ATP6V0A4: variants seen among roughly 807,000 people sequenced by gnomAD.
The protein encoded by ATP6V0A4 is V-type proton ATPase 116 kDa subunit a 4.
In ATP6V0A4, 86 loss-of-function variants were observed where a neutral mutation model predicts 107.3. The ratio of observed to expected loss-of-function variants is 0.80; its 90% confidence interval spans 0.67 to 0.96. The LOEUF (loss-of-function observed/expected upper bound fraction) is 0.96, where lower values mean the gene tolerates loss of function less well. Ranked by LOEUF, ATP6V0A4 falls within the 40% of genes least tolerant of loss-of-function variation. The pLI is 0.00. For missense variants in ATP6V0A4, 908 were observed against 1,045.6 expected, an observed-to-expected ratio of 0.87 and a Z score of 1.81; for synonymous variants, 353 against 381.4, an observed-to-expected ratio of 0.93 and a Z score of 0.87.
At chr7:138,743,007 C>T (rs938027547) in intron 14 of ATP6V0A4, among the ~76,000 whole-genome samples, 2 of 151,508 alleles carry the variant, frequency 1.3e-5, no homozygotes, top group Admixed American at 6.6e-5. Flanking sequence ...GGTGGGGAAT[C>T]CCATCTCTAC....
At chr7:138,796,844 T>C (rs1292521184) in intron 1 of ATP6V0A4, among the ~76,000 whole-genome samples, 1 of 149,498 alleles carries the variant, frequency 6.7e-6, no homozygotes, top group East Asian at 1.9e-4. Flanking sequence ...CAGTCTCCAG[T>C]GCCTAGGATG....
At chr7:138,797,025 T>C (rs60317262) in intron 1 of ATP6V0A4, among the ~76,000 whole-genome samples, 27,295 of 151,996 alleles carry the variant, frequency 0.18, 4,773 homozygotes, top group African/African-American at 0.46. Context: ...GCTCTCCTCT[T>C]GCCTCCCCAC....
intron 18 of ATP6V0A4, among the ~76,000 whole-genome samples, chr7:138,724,695 T>C (rs1016326991): frequency 6.6e-5 from 10 of 152,332 alleles, no homozygotes; most frequent in African/African-American, 2.2e-4. Flanking sequence ...ATTTTCTCTC[T>C]CCTTCAACTT....
intron 2 of ATP6V0A4, among the ~76,000 whole-genome samples, chr7:138,779,301 T>G (rs1047051154): frequency 2.0e-5 from 3 of 151,256 alleles, no homozygotes; most frequent in African/African-American, 7.3e-5. Context: ...TGAGCCATGA[T>G]CATGCCACTG....
chr7:138,787,196 G>C (rs6964987), intron 1 of ATP6V0A4, among the ~76,000 whole-genome samples: 1 of 152,074 alleles, frequency 6.6e-6, no homozygotes, highest in African/African-American at 2.4e-5. Flanking sequence ...GTTTCTCACA[G>C]GACTTAACAC....
chr7:138,722,092 T>C (rs775568665), intron 18 of ATP6V0A4, 67 bp from the exon 19 acceptor site: 10 of 1,598,758 alleles, frequency 6.3e-6, no homozygotes, highest in Non-Finnish European at 8.5e-6. Context: ...CATATAAATA[T>C]AAATAAAGGC....
chr7:138,718,957 T>C (rs926385371), intron 19 of ATP6V0A4, among the ~76,000 whole-genome samples: 150 of 151,706 alleles, frequency 9.9e-4, no homozygotes, highest in African/African-American at 3.4e-3. Context: ...GGCCGAGGCA[T>C]GAGGATCACT....
rs985511988 is a variant in ATP6V0A4, at chr7:138,710,700, T to C, written c.2258-905A>G. Among the ~76,000 whole-genome samples the C allele has an allele frequency of 3.1e-4, 47 of 152,250 alleles. 2 individuals carry two copies. The highest frequency in any genetic ancestry group is 1.6e-4 in the Non-Finnish European group (11 of 68,044). On this transcript the variant is annotated intron_variant, in intron 20 of 21. Transcript: ENST00000310018. ...ATGTACAAGGGCACATGCCAGGTAC[T>C]GAGCACAGGAGGTGAATTCAGCCTC...
chr7:138,712,489 C>G (rs929008083), intron 20 of ATP6V0A4, among the ~76,000 whole-genome samples: 16 of 152,098 alleles, frequency 1.1e-4, no homozygotes, highest in Admixed American at 2.6e-4. Context: ...AGGAGGCTAA[C>G]TACTAGGACC....
rs1334164582 is a variant in ATP6V0A4, at chr7:138,734,174, C to G, written c.1653G>C (p.Gln551His). Residue 551 changes from glutamine to histidine, a missense_variant, in exon 16 of 22, where the codon CAG (glutamine) becomes CAC (histidine). By Grantham distance (24) the Gln-to-His change is conservative. Transcript: ENST00000310018. ...GGCTGAGGATGACACCGAAAACCAT[C>G]TGGACAATTCCCAGGATCACCGACA... is the stretch of plus-strand genomic sequence containing the variant. ...MKMSVILGIV[Q>H]MVFGVILSLF... 1 of 1,613,792 alleles carries G rather than the reference C, an allele frequency of 6.2e-7. No homozygotes were observed. The highest frequency in any genetic ancestry group is 8.5e-7 in the Non-Finnish European group (1 of 1,179,740).
At chr7:138,785,407 C>G (rs901987720) in intron 2 of ATP6V0A4, among the ~76,000 whole-genome samples, 4 of 151,802 alleles carry the variant, frequency 2.6e-5, no homozygotes, top group African/African-American at 4.8e-5. Context: ...TCTTGAGTAG[C>G]TAGGACTACA....
intron 21 of ATP6V0A4, among the ~76,000 whole-genome samples, chr7:138,708,544 G>A (rs1189841439): frequency 6.6e-6 from 1 of 152,058 alleles, no homozygotes; most frequent in Non-Finnish European, 1.5e-5. Context: ...GCAGCTGAAG[G>A]GCATGCACTG....
At chr7:138,767,821 C>T (rs1294316613) in intron 5 of ATP6V0A4, among the ~76,000 whole-genome samples, 3 of 152,176 alleles carry the variant, frequency 2.0e-5, no homozygotes, top group Non-Finnish European at 2.9e-5. Context: ...CCTCTCCCAG[C>T]CCTGCCCCTC....
chr7:138,707,187 T>C (rs372820829), intron 21 of ATP6V0A4, among the ~76,000 whole-genome samples: 2 of 55,396 alleles, frequency 3.6e-5, no homozygotes, highest in African/African-American at 2.1e-4. Context: ...ATATAATATA[T>C]TATATATATT....
intron 2 of ATP6V0A4, among the ~76,000 whole-genome samples, chr7:138,777,737 A>G (rs1463304504): frequency 6.6e-6 from 1 of 152,196 alleles, no homozygotes; most frequent in Non-Finnish European, 1.5e-5. Context: ...AGTAAAAATA[A>G]AAACCCTGTA....
chr7:138,759,334 C>A (rs1431506586), intron 8 of ATP6V0A4, among the ~76,000 whole-genome samples: 7 of 152,066 alleles, frequency 4.6e-5, no homozygotes, highest in Non-Finnish European at 1.0e-4. Flanking sequence ...AGATTACAGG[C>A]ATAAGCCACC....
chr7:138,756,167 A>G (rs1055484944), intron 9 of ATP6V0A4, among the ~76,000 whole-genome samples: 1 of 152,262 alleles, frequency 6.6e-6, no homozygotes, highest in Admixed American at 6.5e-5. Context: ...AAAACAAGTT[A>G]GCCATGCAGT....
intron 21 of ATP6V0A4, among the ~76,000 whole-genome samples, chr7:138,708,809 C>T (rs1162595789): frequency 6.6e-6 from 1 of 152,196 alleles, no homozygotes; most frequent in Admixed American, 6.5e-5. Context: ...CGCAGTGGCT[C>T]ATGCCTGTAA....
chr7:138,718,418 C>T (rs895583643), intron 19 of ATP6V0A4, among the ~76,000 whole-genome samples: 3 of 26,382 alleles, frequency 1.1e-4, no homozygotes, highest in African/African-American at 3.4e-4. Flanking sequence ...GAAGGGGGGG[C>T]GTGCAGTCAC....
Sources: allele counts gnomAD v4.1 joint callset (sites outside exome capture counted in the v4.1 genomes callset), GRCh38; gene constraint gnomAD v4.1.1; transcripts MANE v1.5; gene names NCBI Gene and HGNC (gene_info 2026-07-23, HGNC 2026-07-21).